SPEF2: variants seen among roughly 807,000 people sequenced by gnomAD.
SPEF2 encodes the protein sperm flagellar and cilia associated 2.
Under a neutral mutation model 224.6 loss-of-function variants are expected in SPEF2, and 187 were observed. The ratio of observed to expected loss-of-function variants is 0.83; its 90% CI spans 0.74 to 0.94. The LOEUF (loss-of-function observed/expected upper bound fraction) is 0.94, where lower values mean the gene tolerates loss of function less well. Ranked by LOEUF, SPEF2 falls within the 40% of genes least tolerant of loss-of-function variation. The probability of loss-of-function intolerance (pLI) is 0.00; values close to 1 mark genes in which losing one functional copy is unlikely to be tolerated. For synonymous variants in SPEF2, 715 were observed against 707.3 expected, an observed-to-expected ratio of 1.01 and a Z score of -0.17; for missense variants, 2,170 against 2,135.6, an observed-to-expected ratio of 1.02 and a Z score of -0.32.
intron 14 of SPEF2, among the ~76,000 whole-genome samples, chr5:35,696,663 T>C (rs1190487661): frequency 6.6e-6 from 1 of 152,172 alleles, no homozygotes; most frequent in East Asian, 1.9e-4. Context: ...GTGTTTACAT[T>C]CTAATGGAGA....
intron 2 of SPEF2, among the ~76,000 whole-genome samples, chr5:35,637,477 G>A (rs1460720499): frequency 6.6e-6 from 1 of 152,092 alleles, no homozygotes; most frequent in Non-Finnish European, 1.5e-5. Context: ...TGTGTTATAA[G>A]ACTTCTGAGC....
At chr5:35,802,970 G>A (rs1757626970) in intron 34 of SPEF2, among the ~76,000 whole-genome samples, 1 of 152,208 alleles carries the variant, frequency 6.6e-6, no homozygotes, top group South Asian at 2.1e-4. Context: ...TAGGCCTTCA[G>A]GCAGGGGACC....
intron 21 of SPEF2, among the ~76,000 whole-genome samples, chr5:35,731,605 A>G (rs1429677374): frequency 6.6e-6 from 1 of 152,192 alleles, no homozygotes; most frequent in Non-Finnish European, 1.5e-5. Flanking sequence ...AATTGGAAAA[A>G]GACAGAAGAC....
chr5:35,670,400 A>G (rs1001691655), intron 10 of SPEF2, 173 bp downstream of exon 10: 1 of 1,336,306 alleles, frequency 7.5e-7, no homozygotes, highest in South Asian at 2.0e-5. Flanking sequence ...CTTAAACTAT[A>G]CATAAGCTAT....
At chr5:35,640,749 A>C (rs1027155170) in intron 2 of SPEF2, among the ~76,000 whole-genome samples, 2 of 152,174 alleles carry the variant, frequency 1.3e-5, no homozygotes, top group Non-Finnish European at 2.9e-5. Context: ...TTATGTTAAA[A>C]GAGTTACTAG....
intron 30 of SPEF2, chr5:35,788,822 A>G: frequency 2.8e-6 from 2 of 702,918 alleles, no homozygotes; most frequent in Non-Finnish European, 5.2e-6. Context: ...TCCTCTGTAC[A>G]ATGATGTCAA....
chr5:35,789,503 G>T (rs996028877), intron 30 of SPEF2: 1 of 651,558 alleles, frequency 1.5e-6, no homozygotes, highest in African/African-American at 1.8e-5. Flanking sequence ...CCAGACTAGG[G>T]CCAAAAGAAC....
intron 13 of SPEF2, 141 bp downstream of exon 13, chr5:35,694,504 T>C: frequency 1.6e-6 from 1 of 642,196 alleles, no homozygotes; most frequent in East Asian, 2.9e-5. Flanking sequence ...ATATGGCCAT[T>C]TGACAGAGGG....
At chr5:35,669,179 C>T (rs1311488179) in intron 9 of SPEF2, among the ~76,000 whole-genome samples, 2 of 152,070 alleles carry the variant, frequency 1.3e-5, no homozygotes, top group Non-Finnish European at 2.9e-5. Flanking sequence ...TGTCCTTTTT[C>T]TGTCTGGCTT....
intron 1 of SPEF2, among the ~76,000 whole-genome samples, chr5:35,619,449 G>A (rs145020822): frequency 6.8e-4 from 104 of 152,264 alleles, no homozygotes; most frequent in African/African-American, 2.2e-3. Context: ...TTGGGAGGCC[G>A]AGGTGGGCAG....
At chr5:35,710,013 C>A in intron 19 of SPEF2, 4 of 978,574 alleles carry the variant, frequency 4.1e-6, no homozygotes, top group Admixed American at 6.2e-5. Context: ...TAAACTTATT[C>A]ATATTAAACA....
chr5:35,776,983 C>G (rs1448821965), intron 29 of SPEF2, among the ~76,000 whole-genome samples: 1 of 152,126 alleles, frequency 6.6e-6, no homozygotes, highest in Non-Finnish European at 1.5e-5. Context: ...ATTGTCCAGA[C>G]CAGGAGCCCC....
In SPEF2 at chr5:35,773,949, G is replaced by A. The variant is rs1753238802; in HGVS notation, c.4006G>A (p.Ala1336Thr). Residue 1336 changes from alanine (A) to threonine (T), a missense_variant, in exon 28 of 37, where the codon GCT (alanine) becomes ACT (threonine). Coordinates refer to ENST00000356031, the MANE Select transcript of SPEF2 (RefSeq NM_024867.4). ...TGTCATAGTAACAACAGAGGAAATT[G>A]CTGAAATCAAAAGGAAAAATGAACT... ...TPVIVTTEEI[A>T]EIKRKNELRV... 6.2e-7 allele frequency: 1 copy of A among 1,613,318 alleles called. No individual in the cohort carries two copies. The highest frequency in any genetic ancestry group is 8.5e-7 in the Non-Finnish European group (1 of 1,179,570).
rs1754417600 is a variant in SPEF2 at position 35,691,177 on chromosome 5, A to G, written c.1665A>G (p.Leu555=). Residue 555 remains leucine, a synonymous_variant, in exon 11 of 37, where the codon TTA becomes TTG. Transcript: ENST00000356031. ...GAGCGGAATCAACAACACCTGAATT[A>G]CCTTCATTTGCTGTTAAAGGATGCT... ...PPRAESTTPE[L]PSFAVKGCLL... 1 of 1,613,924 alleles carries G rather than the reference A, an allele frequency of 6.2e-7. No individual in the cohort carries two copies. Among genetic ancestry groups the G allele is most frequent in the African/African-American group, 1.3e-5 (1 of 74,922 alleles).
At chr5:35,688,386 T>G (rs1753965441) in intron 10 of SPEF2, among the ~76,000 whole-genome samples, 1 of 152,166 alleles carries the variant, frequency 6.6e-6, no homozygotes, top group Admixed American at 6.6e-5. Context: ...ATCCAGAGAG[T>G]GTTAGGAAAG....
intron 2 of SPEF2, among the ~76,000 whole-genome samples, chr5:35,632,567 A>G (rs1745286458): frequency 6.6e-6 from 1 of 151,966 alleles, no homozygotes; most frequent in Admixed American, 6.6e-5. Flanking sequence ...CAGCTACTTT[A>G]TTATTTCTGT....
At chr5:35,789,568 A>G in intron 30 of SPEF2, 1 of 650,746 alleles carries the variant, frequency 1.5e-6, no homozygotes, top group Non-Finnish European at 2.7e-6. Context: ...GGGAAAGAAA[A>G]CATTTCTGCT....
intron 21 of SPEF2, among the ~76,000 whole-genome samples, chr5:35,733,101 T>G (rs1044082561): frequency 6.7e-6 from 1 of 150,262 alleles, no homozygotes; most frequent in Non-Finnish European, 1.5e-5. Context: ...CAACACAGGT[T>G]TTTTTTTGTT....
intron 21 of SPEF2, among the ~76,000 whole-genome samples, chr5:35,734,285 C>T (rs888241187): frequency 2.6e-5 from 4 of 152,278 alleles, no homozygotes; most frequent in Non-Finnish European, 5.9e-5. Context: ...TTACATATGC[C>T]AAGAACATTC....
Sources: allele counts gnomAD v4.1 joint callset (sites outside exome capture counted in the v4.1 genomes callset), GRCh38; gene constraint gnomAD v4.1.1; transcripts MANE v1.5; gene names NCBI Gene and HGNC (gene_info 2026-07-23, HGNC 2026-07-21).